NEURL4: variants seen among roughly 807,000 people sequenced by gnomAD.
NEURL4 encodes neuralized-like protein 4.
NEURL4 carries 45 observed loss-of-function variants against 148.0 expected under a neutral mutation model. The observed-to-expected ratio is 0.30, with a 90% CI of 0.24 to 0.39. The LOEUF is 0.39. Among genes scored for constraint, NEURL4 ranks in the 10% least tolerant of loss-of-function variants. The pLI, the probability that NEURL4 is intolerant of heterozygous loss-of-function variation, is 1.00. For missense variants in NEURL4, 1,776 were observed against 2,144.0 expected (o/e 0.83, Z 3.39); for synonymous variants, 854 against 869.0 (o/e 0.98, Z 0.30).
Position 7,315,829 on chromosome 17 carries a change from G to C in NEURL4, c.*294C>G, listed in dbSNP as rs1019589588. On this transcript the variant is annotated 3_prime_UTR_variant, in exon 29 of 29. Coordinates refer to ENST00000399464, the MANE Select transcript of NEURL4 (RefSeq NM_032442.3). ...AAAACGGAAATAAATTAAGTGATGT[G>C]GGGTAGGGGAGTAAAAGGGAGTCAT... 1.7e-5 allele frequency: 9 copies of C among 518,946 alleles called. No homozygotes were observed. Among genetic ancestry groups the C allele is most frequent in the Admixed American group, 3.6e-5 (1 of 27,656 alleles). The allele number at this position is 518,946 out of a possible 1,614,324, so 32.1% of individuals were successfully genotyped here.
rs576986570 is a variant in NEURL4 at position 7,327,870 on chromosome 17, G to T, written c.297C>A (p.Ser99Arg). The T allele has an allele frequency of 1.2e-6, 2 of 1,608,880 alleles. No homozygotes were observed. Among genetic ancestry groups the T allele is most frequent in the East Asian group, 2.2e-5 (1 of 44,642 alleles). ...VRIDRKVNSW[S>R]GSIEIGVTAL... ...CTGTCACCCCAATCTCAATGGAGCC[G>T]CTCCAGGAGTTGACCTGGGATAGGG... is the stretch of plus-strand genomic sequence containing the variant. The change falls in exon 2 of 29, where the codon AGC (serine) becomes AGA (arginine). Residue 99 changes from serine to arginine, a missense_variant. Coordinates refer to ENST00000399464, the MANE Select transcript of NEURL4 (RefSeq NM_032442.3). This position sits in a 1 kb window ranked among gnomAD's most constrained non-coding sequence, Gnocchi z 6.6.
chr17:7,321,575 G>A lies in NEURL4; in HGVS notation c.3084C>T (p.Asn1028=), dbSNP rs2073034794. ...GQLQRMNYGR[N]LERLGVGSRV... Reference sequence around the variant, plus strand: ...GCCACTTCACCCCCAGCCTCTCTAGGTTCCGGCCATAGTTCATCCTCTGGA... The same window carrying A: ...GCCACTTCACCCCCAGCCTCTCTAGATTCCGGCCATAGTTCATCCTCTGGA... The change falls in exon 18 of 29, where the codon AAC becomes AAT. Residue 1028 remains asparagine, a synonymous_variant. Coordinates refer to ENST00000399464, the MANE Select transcript of NEURL4 (RefSeq NM_032442.3). The surrounding 1 kb of genome is among the most constrained non-coding windows in gnomAD (Gnocchi z 6.3). The A allele has an allele frequency of 6.2e-7, 1 of 1,614,008 alleles. No homozygotes were observed.
chr17:7,326,743 T>C lies in NEURL4; in HGVS notation c.1060A>G (p.Asn354Asp). The C allele has an allele frequency of 6.2e-7, 1 of 1,612,032 alleles. No individual in the cohort carries two copies. Among genetic ancestry groups the C allele is most frequent in the African/African-American group, 1.3e-5 (1 of 74,784 alleles). The change falls in exon 4 of 29, where the codon AAT (asparagine) becomes GAT (aspartate). Residue 354 changes from asparagine (N) to aspartate (D), a missense_variant. Physicochemically the swap from Asn to Asp is conservative, Grantham distance 23. Coordinates refer to ENST00000399464, the MANE Select transcript of NEURL4 (RefSeq NM_032442.3). The surrounding 1 kb of genome is among the most constrained non-coding windows in gnomAD (Gnocchi z 6.0). ...ATCTCATTGTCCCGAAGGGGGCGAT[T>C]GGTCATGACAACCCCATTGTTGAAT... Reference protein sequence around the residue: ...DEFNNGVVMTNRPLRDNEMFE... With the variant: ...DEFNNGVVMTDRPLRDNEMFE...
In NEURL4 at chr17:7,318,598, C is replaced by A. The variant is rs1290774122; in HGVS notation, c.3761G>T (p.Gly1254Val). The A allele has an allele frequency of 6.2e-7, 1 of 1,613,970 alleles. No homozygotes were observed. Among genetic ancestry groups the A allele is most frequent in the Non-Finnish European group, 8.5e-7 (1 of 1,179,996 alleles). ...TILGLRLDSS[G>V]GLHLHVNGVD... Reference sequence around the variant, plus strand: ...CCCATTAACATGAAGATGCAGCCCCCCAGAGCTGTCCAGCCGCAGTCCCAG... The same window carrying A: ...CCCATTAACATGAAGATGCAGCCCCACAGAGCTGTCCAGCCGCAGTCCCAG... The change falls in exon 23 of 29, where the codon GGG (glycine) becomes GTG (valine). Residue 1254 changes from glycine (G) to valine (V), a missense_variant. Physicochemically the swap from Gly to Val is moderately radical, Grantham distance 109. Transcript: ENST00000399464. The surrounding 1 kb of genome is among the most constrained non-coding windows in gnomAD (Gnocchi z 4.3).
rs146408966 is a variant in NEURL4 at position 7,322,939 on chromosome 17, CAT to C, written c.2593+7_2593+8del. The C allele has an allele frequency of 7.9e-4, 1,281 of 1,612,638 alleles. 24 individuals are homozygous for C. In the East Asian group the frequency reaches 0.022, roughly 28 times the overall value. On this transcript the variant is annotated splice_region_variant and intron_variant, in intron 15 of 28. Coordinates refer to ENST00000399464, the MANE Select transcript of NEURL4 (RefSeq NM_032442.3). This position sits in a 1 kb window ranked among gnomAD's most constrained non-coding sequence, Gnocchi z 5.5. ...GCTGAGGGTGGCAGGCTGAAAGCCA[CAT>C]AGTCACCTTTACCCGGAGGCAGGCC...
chr17:7,325,861 T>C, intron 6 of NEURL4, 148 bp from the exon 7 acceptor site: 1 of 690,568 alleles, frequency 1.4e-6, no homozygotes, highest in East Asian at 2.6e-5. Flanking sequence ...GACATGACAA[T>C]TTCCACATTT....
In NEURL4 at chr17:7,324,757, C is replaced by T. The variant is rs200317050; in HGVS notation, c.1813+42G>A. The T allele has an allele frequency of 5.0e-6, 8 of 1,604,598 alleles. No individual in the cohort carries two copies. In the East Asian group the frequency reaches 1.3e-4, roughly 27 times the overall value. On this transcript the variant is annotated intron_variant, in intron 9 of 28. Coordinates refer to ENST00000399464, the MANE Select transcript of NEURL4 (RefSeq NM_032442.3). This position sits in a 1 kb window ranked among gnomAD's most constrained non-coding sequence, Gnocchi z 5.9. Reference sequence around the variant, plus strand: ...TGCCAGGGCTTTGGGGATAGCTTCCCCCCAAAACCCTATCCTGTCCCTGCC... The same window carrying T: ...TGCCAGGGCTTTGGGGATAGCTTCCTCCCAAAACCCTATCCTGTCCCTGCC...
chr17:7,320,686 G>T (rs74845200), intron 21 of NEURL4, 73 bp downstream of exon 21: 1 of 1,405,566 alleles, frequency 7.1e-7, no homozygotes, highest in Non-Finnish European at 9.7e-7. Flanking sequence ...ACACAAAAAG[G>T]CCTTTTTTCA....
At position 7,329,102 on chromosome 17, in the gene NEURL4, T is replaced by A; in HGVS notation, c.211A>T (p.Asn71Tyr). The change falls in exon 1 of 29, where the codon AAC becomes TAC. Residue 71 changes from asparagine (N) to tyrosine (Y), a missense_variant. Transcript: ENST00000399464. ...ARRQQPGQEF[N>Y]HGLVLSREPL... ...TCTCGGCTCAACACCAGCCCGTGGTTAAACTCCTGGCCCGGCTGCTGCCGC... is the reference window on the plus strand; with the variant it reads ...TCTCGGCTCAACACCAGCCCGTGGTAAAACTCCTGGCCCGGCTGCTGCCGC... 6.2e-7 allele frequency: 1 copy of A among 1,610,362 alleles called. No individual in the cohort carries two copies. Among genetic ancestry groups the A allele is most frequent in the Non-Finnish European group, 8.5e-7 (1 of 1,179,108 alleles).
At chr17:7,328,994 C>T in intron 1 of NEURL4, 37 bp downstream of exon 1, 1 of 1,506,554 alleles carries the variant, frequency 6.6e-7, no homozygotes, top group South Asian at 1.3e-5. Flanking sequence ...CCTCCCACCA[C>T]CCTCCACATC....
Position 7,324,046 on chromosome 17 carries a change from G to T in NEURL4, c.2063-34C>A. 1 of 1,608,756 alleles carries T rather than the reference G, an allele frequency of 6.2e-7. No individual in the cohort carries two copies. Among genetic ancestry groups the T allele is most frequent in the Non-Finnish European group, 8.5e-7 (1 of 1,179,708 alleles). ...GTGGACATCACCCATCAGGTCTCTA[G>T]GTGTCTCTCAGACCTCCCAAGGCCA... On this transcript the variant is annotated intron_variant, in intron 11 of 28. Coordinates refer to ENST00000399464, the MANE Select transcript of NEURL4 (RefSeq NM_032442.3). The surrounding 1 kb of genome is among the most constrained non-coding windows in gnomAD (Gnocchi z 5.9).
At chr17:7,328,972 T>C in intron 1 of NEURL4, 59 bp downstream of exon 1, 1 of 1,454,992 alleles carries the variant, frequency 6.9e-7, no homozygotes, top group Non-Finnish European at 9.1e-7. Flanking sequence ...CTACCCCGTC[T>C]CCCTCTAGAC....
chr17:7,327,073 T>C lies in NEURL4; in HGVS notation c.794-64A>G. The C allele has an allele frequency of 6.3e-7, 1 of 1,599,778 alleles. No individual in the cohort carries two copies. Among genetic ancestry groups the C allele is most frequent in the Non-Finnish European group, 8.5e-7 (1 of 1,174,428 alleles). ...GGATGAGGCTCTACACCCCCAGACC[T>C]GGTGCCTCTCTCCCTACCCCTTCTC... On this transcript the variant is annotated intron_variant, in intron 3 of 28. Coordinates refer to ENST00000399464, the MANE Select transcript of NEURL4 (RefSeq NM_032442.3). This position sits in a 1 kb window ranked among gnomAD's most constrained non-coding sequence, Gnocchi z 6.6.
chr17:7,325,162 C>T lies in NEURL4; in HGVS notation c.1631+47G>A, dbSNP rs1207300412. ...ACTTCCTTGCCCCGCCCCCCCCCCCCCATTAGAATCCCTTCTTCAGGCTTC... is the reference window on the plus strand; with the variant it reads ...ACTTCCTTGCCCCGCCCCCCCCCCCTCATTAGAATCCCTTCTTCAGGCTTC... On this transcript the variant is annotated intron_variant, in intron 8 of 28. Transcript: ENST00000399464. 9.3e-6 allele frequency: 7 copies of T among 748,832 alleles called. 1 individual carries two copies. Among genetic ancestry groups the T allele is most frequent in the Non-Finnish European group, 1.1e-5 (5 of 467,006 alleles). The allele number at this position is 748,832 out of a possible 1,614,324, so 46.4% of individuals were successfully genotyped here. A position where few individuals can be genotyped will look rare whatever the true frequency, so the allele number is the denominator to read the frequency against.
rs913249375 is a variant in NEURL4, at chr17:7,316,344, A to C, written c.4485-17T>G. 4 of 1,607,126 alleles carry C rather than the reference A, an allele frequency of 2.5e-6. No individual in the cohort carries two copies. Among genetic ancestry groups the C allele is most frequent in the Non-Finnish European group, 3.4e-6 (4 of 1,175,850 alleles). ...TCCCGGAATCTGTCAGACAAGAAAA[A>C]ATAAGGGAGTGAAGCCTCTCGCCCC... is the stretch of plus-strand genomic sequence containing the variant. On this transcript the variant is annotated splice_polypyrimidine_tract_variant and intron_variant, in intron 28 of 28. Coordinates refer to ENST00000399464, the MANE Select transcript of NEURL4 (RefSeq NM_032442.3).
rs199825348 is a variant in NEURL4, at chr17:7,324,256, C to T, written c.1914G>A (p.Val638=). 14 of 1,613,926 alleles carry T rather than the reference C, an allele frequency of 8.7e-6. No individual in the cohort carries two copies. Among genetic ancestry groups the T allele is most frequent in the African/African-American group, 1.3e-5 (1 of 74,960 alleles). ...TCCCGTCCTCCCGCCGTACCACGCC[C>T]ACCGTGTCCCCTGCCTTGGAAGAAG... ...NLDRLKAGDT[V]GVVRREDGTL... is the part of the protein sequence containing the mutation. Residue 638 remains valine (V), a synonymous_variant, in exon 11 of 29, where the codon GTG becomes GTA. Transcript: ENST00000399464. The surrounding 1 kb of genome is among the most constrained non-coding windows in gnomAD (Gnocchi z 5.9).
At position 7,316,227 on chromosome 17, in the gene NEURL4, G is replaced by C. The variant is rs966633269; in HGVS notation, c.4585C>G (p.Leu1529Val). The C allele has an allele frequency of 6.2e-7, 1 of 1,613,762 alleles. No homozygotes were observed. Among genetic ancestry groups the C allele is most frequent in the Non-Finnish European group, 8.5e-7 (1 of 1,179,802 alleles). ...AAGTGAGGGTCAGGAGGTTCTCCAA[G>C]GGCAGCGGAAGGGGGTCCCGGGGTG... ...SYTPGPPSAA[L>V]GEPPDPHFSP... Residue 1529 changes from leucine to valine, a missense_variant, in exon 29 of 29, where the codon CTT (leucine) becomes GTT (valine). Physicochemically the swap from Leu to Val is conservative, Grantham distance 32. Transcript: ENST00000399464.
chr17:7,324,890 C>T lies in NEURL4; in HGVS notation c.1722G>A (p.Val574=). 1 of 1,614,180 alleles carries T rather than the reference C, an allele frequency of 6.2e-7. No individual in the cohort carries two copies. Among genetic ancestry groups the T allele is most frequent in the Non-Finnish European group, 8.5e-7 (1 of 1,180,012 alleles). Residue 574 remains valine (V), a synonymous_variant, in exon 9 of 29, where the codon GTG becomes GTA. Transcript: ENST00000399464. The surrounding 1 kb of genome is among the most constrained non-coding windows in gnomAD (Gnocchi z 5.9). ...EVFQVRIDKM[V]DKWAGSIEIG... is the part of the protein sequence containing the mutation. ...TTTCAATGGAGCCAGCCCATTTGTC[C>T]ACCATCTTGTCGATGCGCACCTGGA... is the stretch of plus-strand genomic sequence containing the variant.
At position 7,327,287 on chromosome 17, in the gene NEURL4, A is replaced by G. The variant is rs1474886497; in HGVS notation, c.728-57T>C. 12 of 1,516,804 alleles carry G rather than the reference A, an allele frequency of 7.9e-6. No individual in the cohort carries two copies. In the East Asian group the frequency reaches 2.3e-4, roughly 29 times the overall value. The allele number at this position is 1,516,804 out of a possible 1,614,324, so 94.0% of individuals were successfully genotyped here. A position where few individuals can be genotyped will look rare whatever the true frequency, so the allele number is the denominator to read the frequency against. On this transcript the variant is annotated intron_variant, in intron 2 of 28. Coordinates refer to ENST00000399464, the MANE Select transcript of NEURL4 (RefSeq NM_032442.3). This position sits in a 1 kb window ranked among gnomAD's most constrained non-coding sequence, Gnocchi z 6.6. The stretch of plus-strand genomic sequence containing the variant: ...GGGTTCAGTCCCTGCTTCACGGCCC[A>G]TAGCCAGGAGAACCCCCCATCCTCT...
Sources: allele counts gnomAD v4.1 joint callset, GRCh38; gene constraint gnomAD v4.1.1; non-coding constraint Gnocchi (gnomAD v3.1); transcripts MANE v1.5; gene names NCBI Gene and HGNC (gene_info 2026-07-23, HGNC 2026-07-21).